Variants in TTYH1 observed in about 807,000 individuals in gnomAD.
TTYH1 encodes the protein protein tweety homolog 1.
A neutral mutation model predicts 61.2 loss-of-function variants in TTYH1; 33 were observed. That is an observed-to-expected ratio of 0.54 (90% CI 0.41 to 0.72). The LOEUF is 0.72. Ranked by LOEUF, TTYH1 falls within the 30% of genes least tolerant of loss-of-function variation. The probability of loss-of-function intolerance (pLI) is 0.00; values close to 1 mark genes in which losing one functional copy is unlikely to be tolerated. For synonymous variants in TTYH1, 308 were observed against 266.4 expected (o/e 1.16, Z -1.52); for missense variants, 538 against 575.8 (o/e 0.93, Z 0.67).
Position 54,421,224 on chromosome 19 carries a change from GC to G in TTYH1, c.306-48del. On this transcript the variant is annotated intron_variant, in intron 2 of 13. Coordinates refer to ENST00000376530, the MANE Select transcript of TTYH1 (RefSeq NM_020659.4). The surrounding 1 kb of genome is among the most constrained non-coding windows in gnomAD (Gnocchi z 4.8). ...GGGGATGGGGTGGGAGGGGACGGTG[GC>G]CCCCGGGGTCCTGGGACCCGCTGAG... 5.7e-6 allele frequency: 7 copies of G among 1,235,986 alleles called. No homozygotes were observed. The highest frequency in any genetic ancestry group is 1.2e-5 in the South Asian group (1 of 83,138). 76.6% of individuals were successfully genotyped at this position (1,235,986 alleles called of 1,614,324 possible). A position where few individuals can be genotyped will look rare whatever the true frequency, so the allele number is the denominator to read the frequency against.
rs2083558313 is a variant in TTYH1, at chr19:54,436,607, C to A, written c.*317C>A. 1.7e-6 allele frequency: 1 copy of A among 584,262 alleles called. No individual in the cohort carries two copies. Among genetic ancestry groups the A allele is most frequent in the Non-Finnish European group, 3.1e-6 (1 of 326,268 alleles). The allele number at this position is 584,262 out of a possible 1,614,324, so 36.2% of individuals were successfully genotyped here. ...TAAGCTGGGGGTGGGGGACATGAGT[C>A]CCCCTGCTGCCCCTGCCACATCCCA... On this transcript the variant is annotated 3_prime_UTR_variant, in exon 14 of 14. Transcript: ENST00000376530. The surrounding 1 kb of genome is among the most constrained non-coding windows in gnomAD (Gnocchi z 4.3).
At position 54,431,343 on chromosome 19, in the gene TTYH1, T is replaced by G. The variant is rs2083440800; in HGVS notation, c.1125+152T>G. On this transcript the variant is annotated intron_variant, in intron 10 of 13. Coordinates refer to ENST00000376530, the MANE Select transcript of TTYH1 (RefSeq NM_020659.4). ...TATGATTTATCTGTCCTATATCTAT[T>G]CTCTACCTATTTATAACCTGTCGTC... 3 of 618,706 alleles carry G rather than the reference T, an allele frequency of 4.8e-6. No individual in the cohort carries two copies. The South Asian group carries it at 5.7e-5, about 12-fold the overall frequency. 38.3% of individuals were successfully genotyped at this position (618,706 alleles called of 1,614,324 possible).
In TTYH1 at chr19:54,429,270, T is replaced by G. The variant is rs1392323225; in HGVS notation, c.735-37T>G. ...GTGGAAAGAGGCTAGGCTAGGAGAT[T>G]AAGAACCCCGGGCTGATCCTCCCTC... On this transcript the variant is annotated intron_variant, in intron 5 of 13. Transcript: ENST00000376530. The surrounding 1 kb of genome is among the most constrained non-coding windows in gnomAD (Gnocchi z 5.1). 1.9e-6 allele frequency: 3 copies of G among 1,602,432 alleles called. No individual in the cohort carries two copies. Among genetic ancestry groups the G allele is most frequent in the Admixed American group, 1.7e-5 (1 of 59,944 alleles).
Position 54,436,013 on chromosome 19 carries a change from G to T in TTYH1, c.1315-78G>T. 1.3e-6 allele frequency: 2 copies of T among 1,580,352 alleles called. No homozygotes were observed. Among genetic ancestry groups the T allele is most frequent in the Non-Finnish European group, 1.7e-6 (2 of 1,150,956 alleles). On this transcript the variant is annotated intron_variant, in intron 12 of 13. Coordinates refer to ENST00000376530, the MANE Select transcript of TTYH1 (RefSeq NM_020659.4). This position sits in a 1 kb window ranked among gnomAD's most constrained non-coding sequence, Gnocchi z 4.3. ...CCGGACTCCTGGGTCTGAGGGAGGAGGGGCTGGGGTCCCACAGTACAAAGC... is the reference window on the plus strand; with the variant it reads ...CCGGACTCCTGGGTCTGAGGGAGGATGGGCTGGGGTCCCACAGTACAAAGC...
At chr19:54,424,453 G>T (rs2083282963) in intron 4 of TTYH1, among the ~76,000 whole-genome samples, 1 of 152,264 alleles carries the variant, frequency 6.6e-6, no homozygotes, top group African/African-American at 2.4e-5. Context: ...AAGGCCGACT[G>T]GGGCTGAAAA....
rs775871853 is a variant in TTYH1 at position 54,430,819 on chromosome 19, ACT to A, written c.949_950del (p.Leu317ValfsTer107). On this transcript the variant is annotated frameshift_variant, in exon 9 of 14. Transcript: ENST00000376530. LOFTEE classifies it high-confidence loss of function. ...TCCCTTTCTCTTTCTGCAGAGGCTG[ACT>A]CTGTCCCAGCGAGCTCTGGCCAACA... ...AVSNPFQQRL[T>X]LSQRALANIH... 5 of 1,613,284 alleles carry A rather than the reference ACT, an allele frequency of 3.1e-6. No homozygotes were observed. The highest frequency in any genetic ancestry group is 1.7e-5 in the Admixed American group (1 of 59,938).
In TTYH1 at chr19:54,419,043, C is replaced by G; in HGVS notation, c.127-85C>G. On this transcript the variant is annotated intron_variant, in intron 1 of 13. Coordinates refer to ENST00000376530, the MANE Select transcript of TTYH1 (RefSeq NM_020659.4). This position sits in a 1 kb window ranked among gnomAD's most constrained non-coding sequence, Gnocchi z 6.1. ...CACCTTCACTCTGACATCCCAGACC[C>G]CGACCCCCCAGCCACGCAGGAAGGG... is the stretch of plus-strand genomic sequence containing the variant. 4 of 1,405,194 alleles carry G rather than the reference C, an allele frequency of 2.8e-6. No individual in the cohort carries two copies. The highest frequency in any genetic ancestry group is 3.9e-6 in the Non-Finnish European group (4 of 1,030,960). 87.0% of individuals were successfully genotyped at this position (1,405,194 alleles called of 1,614,324 possible).
intron 8 of TTYH1, 65 bp from the exon 9 acceptor site, chr19:54,430,748 G>A (rs1050928702): frequency 8.5e-5 from 135 of 1,588,162 alleles, no homozygotes; most frequent in Middle Eastern, 1.7e-4. Flanking sequence ...TGTGTCCGGA[G>A]GAGAGGAGAG....
At position 54,415,932 on chromosome 19, in the gene TTYH1, T is replaced by G; in HGVS notation, c.126+254T>G. The G allele has an allele frequency of 1.1e-6, 1 of 901,562 alleles. No individual in the cohort carries two copies. Among genetic ancestry groups the G allele is most frequent in the Non-Finnish European group, 1.7e-6 (1 of 602,684 alleles). 55.8% of individuals were successfully genotyped at this position (901,562 alleles called of 1,614,324 possible). ...CTGGGGACCTGCACCCCTGAGTTCATGGAGAGGAGGGGAGGGGGGCCCGGA... is the reference window on the plus strand; with the variant it reads ...CTGGGGACCTGCACCCCTGAGTTCAGGGAGAGGAGGGGAGGGGGGCCCGGA... On this transcript the variant is annotated intron_variant, in intron 1 of 13. Transcript: ENST00000376530. This position sits in a 1 kb window ranked among gnomAD's most constrained non-coding sequence, Gnocchi z 5.2.
At chr19:54,425,777 G>A (rs532165981) in intron 4 of TTYH1, among the ~76,000 whole-genome samples, 29 of 151,984 alleles carry the variant, frequency 1.9e-4, no homozygotes, top group African/African-American at 6.0e-4. Context: ...GTGCAGTGGT[G>A]CAATCTTGGC....
At position 54,434,610 on chromosome 19, in the gene TTYH1, GCAGGCTCTGT is replaced by G. The variant is rs1158600077; in HGVS notation, c.1126-929_1126-920del. The G allele has an allele frequency of 1.3e-5, 2 of 152,286 alleles. No individual in the cohort carries two copies. Among genetic ancestry groups the G allele is most frequent in the Non-Finnish European group, 2.9e-5 (2 of 68,096 alleles). 9.4% of individuals were successfully genotyped at this position (152,286 alleles called of 1,614,324 possible). ...TACTGGGGGCAGCGCCTGGGGCAGA[GCAGGCTCTGT>G]CAACCCCCACTGAATACATACGCTG... On this transcript the variant is annotated intron_variant, in intron 10 of 13. Transcript: ENST00000376530. This position sits in a 1 kb window ranked among gnomAD's most constrained non-coding sequence, Gnocchi z 4.3.
In TTYH1 at chr19:54,415,477, G is replaced by T. The variant is rs1255358489; in HGVS notation, c.-76G>T. The T allele has an allele frequency of 9.3e-7, 1 of 1,076,702 alleles. No individual in the cohort carries two copies. Among genetic ancestry groups the T allele is most frequent in the Non-Finnish European group, 1.1e-6 (1 of 887,550 alleles). The allele number at this position is 1,076,702 out of a possible 1,614,324, so 66.7% of individuals were successfully genotyped here. On this transcript the variant is annotated 5_prime_UTR_variant, in exon 1 of 14. Coordinates refer to ENST00000376530, the MANE Select transcript of TTYH1 (RefSeq NM_020659.4). This position sits in a 1 kb window ranked among gnomAD's most constrained non-coding sequence, Gnocchi z 5.2. ...TCCCCTGAGCCCAGCCAGACCCCGC[G>T]CCGCCCGCGCCCCGCTCGACTCCGG... is the stretch of plus-strand genomic sequence containing the variant.
intron 4 of TTYH1, among the ~76,000 whole-genome samples, chr19:54,424,589 TCTC>T (rs1308352396): frequency 6.6e-6 from 1 of 152,166 alleles, no homozygotes; most frequent in Non-Finnish European, 1.5e-5. Context: ...CTCAGCTCCT[TCTC>T]CTGGGCGAGG....
chr19:54,430,450 G>C (rs2083412194), intron 7 of TTYH1, 100 bp from the exon 8 acceptor site: 1 of 1,317,094 alleles, frequency 7.6e-7, no homozygotes. Context: ...GCTGGGCTGA[G>C]GCCCCTAACC....
chr19:54,417,951 C>T (rs1483570437), intron 1 of TTYH1, among the ~76,000 whole-genome samples: 1 of 151,868 alleles, frequency 6.6e-6, no homozygotes, highest in African/African-American at 2.4e-5. Flanking sequence ...ATGGAGACAG[C>T]CCAAAGATAA....
Position 54,416,672 on chromosome 19 carries a change from G to A in TTYH1, c.126+994G>A. The A allele has an allele frequency of 9.1e-7, 1 of 1,101,296 alleles. No individual in the cohort carries two copies. Among genetic ancestry groups the A allele is most frequent in the Non-Finnish European group, 1.2e-6 (1 of 832,190 alleles). 68.2% of individuals were successfully genotyped at this position (1,101,296 alleles called of 1,614,324 possible). On this transcript the variant is annotated intron_variant, in intron 1 of 13. Transcript: ENST00000376530. The surrounding 1 kb of genome is among the most constrained non-coding windows in gnomAD (Gnocchi z 7.0). ...TCCCAGAAAAGCGCGGAGGGGATGA[G>A]TGCTGTGTTCTGAGCTATTTGGGTC...
chr19:54,419,004 C>T lies in TTYH1; in HGVS notation c.127-124C>T. On this transcript the variant is annotated intron_variant, in intron 1 of 13. Transcript: ENST00000376530. The surrounding 1 kb of genome is among the most constrained non-coding windows in gnomAD (Gnocchi z 6.1). ...GGACCCAATCTCCCCCAAGATTAGGCCAGGGATGTCTCCCACCTTCACTCT... is the reference window on the plus strand; with the variant it reads ...GGACCCAATCTCCCCCAAGATTAGGTCAGGGATGTCTCCCACCTTCACTCT... 2.1e-6 allele frequency: 2 copies of T among 973,580 alleles called. No homozygotes were observed. Among genetic ancestry groups the T allele is most frequent in the Non-Finnish European group, 1.5e-6 (1 of 657,886 alleles). The allele number at this position is 973,580 out of a possible 1,614,324, so 60.3% of individuals were successfully genotyped here. A position where few individuals can be genotyped will look rare whatever the true frequency, so the allele number is the denominator to read the frequency against.
rs993607782 is a variant in TTYH1 at position 54,415,793 on chromosome 19, G to C, written c.126+115G>C. On this transcript the variant is annotated intron_variant, in intron 1 of 13. Coordinates refer to ENST00000376530, the MANE Select transcript of TTYH1 (RefSeq NM_020659.4). This position sits in a 1 kb window ranked among gnomAD's most constrained non-coding sequence, Gnocchi z 5.2. ...TGAGCTCCGCCGGAGGCTGGGGGCC[G>C]GCCCGGACTTTGGGGTTTCGGAGGG... 5.7e-6 allele frequency: 7 copies of C among 1,225,050 alleles called. No individual in the cohort carries two copies. In the Admixed American group the frequency reaches 9.4e-5, roughly 16 times the overall value. 75.9% of individuals were successfully genotyped at this position (1,225,050 alleles called of 1,614,324 possible).
At position 54,435,291 on chromosome 19, in the gene TTYH1, G is replaced by A. The variant is rs12327861; in HGVS notation, c.1126-251G>A. On this transcript the variant is annotated intron_variant, in intron 10 of 13. Coordinates refer to ENST00000376530, the MANE Select transcript of TTYH1 (RefSeq NM_020659.4). The stretch of plus-strand genomic sequence containing the variant: ...GATAGGGGCCTGCAATGACAAGGGC[G>A]GGTGCAGCTCAGGAGAAGCCAAGTC... Among the ~76,000 whole-genome samples the A allele has an allele frequency of 9.1e-3, 1,392 of 152,222 alleles. 25 individuals are homozygous for A. Among genetic ancestry groups the A allele is most frequent in the African/African-American group, 0.032 (1,315 of 41,508 alleles).
Sources: allele counts gnomAD v4.1 joint callset (sites outside exome capture counted in the v4.1 genomes callset), GRCh38; gene constraint gnomAD v4.1.1; non-coding constraint Gnocchi (gnomAD v3.1); transcripts MANE v1.5; gene names NCBI Gene and HGNC (gene_info 2026-07-23, HGNC 2026-07-21).